KCNC3: variants seen among roughly 807,000 people sequenced by gnomAD.
KCNC3 encodes the protein potassium voltage-gated channel subfamily C member 3.
In KCNC3, 22 loss-of-function variants were observed where a neutral mutation model predicts 43.9. That is an observed-to-expected ratio of 0.50 (90% CI 0.36 to 0.72). KCNC3 has a LOEUF of 0.72. KCNC3 is among the 30% of genes least tolerant of loss of function. The probability of loss-of-function intolerance (pLI) is 0.00; values close to 1 mark genes in which losing one functional copy is unlikely to be tolerated. For synonymous variants in KCNC3, 492 were observed against 488.0 expected (o/e 1.01, Z -0.11); for missense variants, 829 against 1,073.8 (o/e 0.77, Z 3.19).
chr19:50,320,510 C>T lies in KCNC3; in HGVS notation c.2170+83G>A, dbSNP rs548780775. 5.2e-4 allele frequency: 703 copies of T among 1,355,580 alleles called. 8 individuals are homozygous for T. The South Asian group carries it at 8.3e-3, about 16-fold the overall frequency. The allele number at this position is 1,355,580 out of a possible 1,614,324, so 84.0% of individuals were successfully genotyped here. On this transcript the variant is annotated intron_variant, in intron 3 of 4. Coordinates refer to ENST00000477616, the MANE Select transcript of KCNC3 (RefSeq NM_004977.3). ...AGGGGGAAGGGAAGTCCACCGCCTC[C>T]TCCCCCATCCCCCTCTCCTCCCTCC...
Position 50,314,904 on chromosome 19 carries a change from A to G in KCNC3, c.*1211T>C. 1 of 280,154 alleles carries G rather than the reference A, an allele frequency of 3.6e-6. No individual in the cohort carries two copies. Among genetic ancestry groups the G allele is most frequent in the Non-Finnish European group, 7.0e-6 (1 of 142,064 alleles). 17.4% of individuals were successfully genotyped at this position (280,154 alleles called of 1,614,324 possible). A position where few individuals can be genotyped will look rare whatever the true frequency, so the allele number is the denominator to read the frequency against. ...GGAGCGCGGCGGGCGGCCCGGGGAG[A>G]GCCAGGGGGGGTGGCAAGGGGCGCG... On this transcript the variant is annotated 3_prime_UTR_variant, in exon 5 of 5. Coordinates refer to ENST00000477616, the MANE Select transcript of KCNC3 (RefSeq NM_004977.3).
chr19:50,330,002 C>G (rs2037167012), upstream of KCNC3, among the ~76,000 whole-genome samples: 1 of 152,130 alleles, frequency 6.6e-6, no homozygotes, highest in Non-Finnish European at 1.5e-5. Context: ...CGCAGTGGCT[C>G]ACGCCTGTAA....
At chr19:50,322,865 C>T in intron 2 of KCNC3, 110 bp downstream of exon 2, 1 of 1,164,234 alleles carries the variant, frequency 8.6e-7, no homozygotes, top group Non-Finnish European at 1.2e-6. Context: ...TTTTTTTCTC[C>T]CTCACCTCTT....
chr19:50,320,612 A>C lies in KCNC3; in HGVS notation c.2151T>G (p.Pro717=), dbSNP rs2037018502. The C allele has an allele frequency of 1.2e-6, 2 of 1,612,292 alleles. No individual in the cohort carries two copies. The highest frequency in any genetic ancestry group is 8.5e-7 in the Non-Finnish European group (1 of 1,179,686). Residue 717 remains proline, a synonymous_variant, in exon 3 of 5, where the codon CCT becomes CCG. Coordinates refer to ENST00000477616, the MANE Select transcript of KCNC3 (RefSeq NM_004977.3). ...CFLLTDYAPS[P]DGSIRKATGA... ...CCTCACCTTTTCGGATGGAGCCATC[A>C]GGGGAAGGGGCATAGTCGGTGAGGA...
At chr19:50,330,188 A>G (rs1724365979), upstream of KCNC3, among the ~76,000 whole-genome samples, 1 of 152,046 alleles carries the variant, frequency 6.6e-6, no homozygotes, top group South Asian at 2.1e-4. Context: ...AATCGCTTGA[A>G]CCTGGGAAGT....
upstream of KCNC3, among the ~76,000 whole-genome samples, chr19:50,330,147 G>T (rs1191954988): frequency 6.6e-6 from 1 of 152,116 alleles, no homozygotes; most frequent in Non-Finnish European, 1.5e-5. Flanking sequence ...GGTGCCTGTA[G>T]TCCCAGCTAG....
rs1295672671 is a variant in KCNC3 at position 50,324,156 on chromosome 19, C to T, written c.871-74G>A. On this transcript the variant is annotated intron_variant, in intron 1 of 4. Transcript: ENST00000477616. This position sits in a 1 kb window ranked among gnomAD's most constrained non-coding sequence, Gnocchi z 4.1. ...GGTTGGCCATAACATCCAGAAGACC[C>T]TTCCAGTGCCCCCTTCCCCAGCCTC... The T allele has an allele frequency of 3.5e-6, 5 of 1,434,366 alleles. No homozygotes were observed. The highest frequency in any genetic ancestry group is 4.7e-6 in the Non-Finnish European group (5 of 1,070,774). The allele number at this position is 1,434,366 out of a possible 1,614,324, so 88.9% of individuals were successfully genotyped here. A position where few individuals can be genotyped will look rare whatever the true frequency, so the allele number is the denominator to read the frequency against.
chr19:50,320,251 G>T lies in KCNC3; in HGVS notation c.2269C>A (p.Pro757Thr). ...LNANAAAWIS[P>T] is the part of the protein sequence containing the mutation. The stretch of plus-strand genomic sequence containing the variant: ...GGGGGGAGGGGGTTCGTCCACTAGG[G>T]GGATATCCAGGCCGCGGCGTTGGCG... The change falls in exon 4 of 5, where the codon CCC becomes ACC. Residue 757 changes from proline (P) to threonine (T), a missense_variant. By Grantham distance (38) the Pro-to-Thr change is conservative. This residue lies in a region of KCNC3 where 308 missense variants were observed against 276.2 expected (regional missense o/e 1.11). Transcript: ENST00000477616. 9.5e-6 allele frequency: 9 copies of T among 946,764 alleles called. No individual in the cohort carries two copies. The highest frequency in any genetic ancestry group is 1.1e-5 in the Non-Finnish European group (8 of 702,366). 58.6% of individuals were successfully genotyped at this position (946,764 alleles called of 1,614,324 possible).
At chr19:50,320,891 G>T in intron 2 of KCNC3, 107 bp from the exon 3 acceptor site, 1 of 1,099,874 alleles carries the variant, frequency 9.1e-7, no homozygotes, top group Non-Finnish European at 1.3e-6. Context: ...ATGGTCGGCG[G>T]ATGTTTGGCA....
rs867902104 is a variant in KCNC3, at chr19:50,328,585, C to G, written c.498G>C (p.Leu166=). Residue 166 remains leucine, a synonymous_variant, in exon 1 of 5, where the codon CTG becomes CTC. Coordinates refer to ENST00000477616, the MANE Select transcript of KCNC3 (RefSeq NM_004977.3). ...CCCAGAAGCCGAGCTCCTCCTCAAA[C>G]AGGGGCCCGCACACGTCGGCTGGGC... The part of the protein sequence containing the change: ...LHCPADVCGP[L]FEEELGFWGI... The G allele has an allele frequency of 5.6e-6, 9 of 1,611,204 alleles. No individual in the cohort carries two copies. In the Middle Eastern group the frequency reaches 1.3e-3, roughly 224 times the overall value.
At position 50,328,937 on chromosome 19, in the gene KCNC3, G is replaced by A; in HGVS notation, c.146C>T (p.Ala49Val). 1 of 803,330 alleles carries A rather than the reference G, an allele frequency of 1.2e-6. No individual in the cohort carries two copies. Among genetic ancestry groups the A allele is most frequent in the Non-Finnish European group, 1.5e-6 (1 of 664,260 alleles). The allele number at this position is 803,330 out of a possible 1,614,324, so 49.8% of individuals were successfully genotyped here. The part of the protein sequence containing the change: ...QQQQPAQPGP[A>V]ASPAGPPAPR... ...TGCCGGGGGGCCCGCCGGGGACGCG[G>A]CGGGGCCGGGCTGCGCAGGCTGCTG... Residue 49 changes from alanine (A) to valine (V), a missense_variant, in exon 1 of 5, where the codon GCC (alanine) becomes GTC (valine). This residue lies in a region of KCNC3 where 129 missense variants were observed against 83.6 expected (regional missense o/e 1.54). Coordinates refer to ENST00000477616, the MANE Select transcript of KCNC3 (RefSeq NM_004977.3).
chr19:50,320,620 G>T lies in KCNC3; in HGVS notation c.2143C>A (p.Pro715Thr). 2 of 1,612,670 alleles carry T rather than the reference G, an allele frequency of 1.2e-6. No individual in the cohort carries two copies. The highest frequency in any genetic ancestry group is 8.5e-7 in the Non-Finnish European group (1 of 1,179,818). ...RACFLLTDYA[P>T]SPDGSIRKAT... ...TTTCGGATGGAGCCATCAGGGGAAGGGGCATAGTCGGTGAGGAGGAAGCAG... is the reference window on the plus strand; with the variant it reads ...TTTCGGATGGAGCCATCAGGGGAAGTGGCATAGTCGGTGAGGAGGAAGCAG... The change falls in exon 3 of 5, where the codon CCT becomes ACT. Residue 715 changes from proline to threonine, a missense_variant. Physicochemically the swap from Pro to Thr is conservative, Grantham distance 38. Around this residue, in one of 7 missense-constraint regions of KCNC3, gnomAD observed 308 missense variants for 276.2 expected, o/e 1.11. Coordinates refer to ENST00000477616, the MANE Select transcript of KCNC3 (RefSeq NM_004977.3).
At position 50,314,133 on chromosome 19, in the gene KCNC3, G is replaced by A. The variant is rs994636458; in HGVS notation, c.*1982C>T. 4.6e-5 allele frequency: 7 copies of A among 152,266 alleles called. No homozygotes were observed. Among genetic ancestry groups the A allele is most frequent in the African/African-American group, 1.7e-4 (7 of 41,484 alleles). The allele number at this position is 152,266 out of a possible 1,614,324, so 9.4% of individuals were successfully genotyped here. ...CCCTGGGGGAAGGGGCGGATGAGAG[G>A]GTGAAATTCACCAGAGGAATTCTCC... On this transcript the variant is annotated 3_prime_UTR_variant, in exon 5 of 5. Transcript: ENST00000477616.
In KCNC3 at chr19:50,316,026, T is replaced by A. The variant is rs1250000707; in HGVS notation, c.*89A>T. 6.4e-6 allele frequency: 1 copy of A among 155,802 alleles called. No individual in the cohort carries two copies. Among genetic ancestry groups the A allele is most frequent in the Admixed American group, 8.2e-5 (1 of 12,186 alleles). 9.7% of individuals were successfully genotyped at this position (155,802 alleles called of 1,614,324 possible). ...ACACCCCCTCCCAGCCATTCCCAAT[T>A]GCTAACCTGGGGGGAAGGGGCGGGG... On this transcript the variant is annotated 3_prime_UTR_variant, in exon 5 of 5. Coordinates refer to ENST00000477616, the MANE Select transcript of KCNC3 (RefSeq NM_004977.3).
intron 1 of KCNC3, 74 bp downstream of exon 1, chr19:50,328,139 G>T (rs1204193649): frequency 3.8e-5 from 40 of 1,039,452 alleles, no homozygotes; most frequent in Admixed American, 5.4e-5. Flanking sequence ...GTTGGAGCTG[G>T]GGCGCTCCTG....
rs1422344081 is a variant in KCNC3, at chr19:50,324,100, A to AGAGAGAGGGG, written c.871-28_871-19dup. The AGAGAGAGGGG allele has an allele frequency of 6.4e-7, 1 of 1,573,572 alleles. No individual in the cohort carries two copies. The highest frequency in any genetic ancestry group is 2.2e-5 in the East Asian group (1 of 44,492). ...GCCACATACTGCAGGGCAGGGAGGG[A>AGAGAGAGGGG]GAGAGAGGGGGAGAGGTGACCTAGG... is the stretch of plus-strand genomic sequence containing the variant. On this transcript the variant is annotated intron_variant, in intron 1 of 4. Coordinates refer to ENST00000477616, the MANE Select transcript of KCNC3 (RefSeq NM_004977.3). The surrounding 1 kb of genome is among the most constrained non-coding windows in gnomAD (Gnocchi z 4.1).
Position 50,328,886 on chromosome 19 carries a change from G to A in KCNC3, c.197C>T (p.Ala66Val), listed in dbSNP as rs745887513. The A allele has an allele frequency of 2.8e-6, 3 of 1,088,178 alleles. No individual in the cohort carries two copies. Among genetic ancestry groups the A allele is most frequent in the South Asian group, 8.7e-5 (2 of 23,002 alleles). 67.4% of individuals were successfully genotyped at this position (1,088,178 alleles called of 1,614,324 possible). A position where few individuals can be genotyped will look rare whatever the true frequency, so the allele number is the denominator to read the frequency against. Reference sequence around the variant, plus strand: ...CGCCGGCAGCCCGGGGCATGGCTCGGCGCGCCGGTCCCCGGGCCCGCGGGG... The same window carrying A: ...CGCCGGCAGCCCGGGGCATGGCTCGACGCGCCGGTCCCCGGGCCCGCGGGG... ...PAPRGPGDRR[A>V]EPCPGLPAAA... The change falls in exon 1 of 5, where the codon GCC becomes GTC. Residue 66 changes from alanine to valine, a missense_variant. Ala to Val is a moderately conservative substitution (Grantham distance 64). Coordinates refer to ENST00000477616, the MANE Select transcript of KCNC3 (RefSeq NM_004977.3).
intron 2 of KCNC3, among the ~76,000 whole-genome samples, chr19:50,321,086 G>A (rs997318076): frequency 1.3e-5 from 2 of 151,930 alleles, no homozygotes; most frequent in African/African-American, 4.8e-5. Context: ...TTGTGGTGGT[G>A]CAGGGAGGTG....
At chr19:50,332,433 C>T (rs1031457921), upstream of KCNC3, among the ~76,000 whole-genome samples, 1 of 152,096 alleles carries the variant, frequency 6.6e-6, no homozygotes, top group African/African-American at 2.4e-5. The surrounding 1 kb of genome is among the most constrained non-coding windows in gnomAD (Gnocchi z 5.8). Flanking sequence ...GGATTAGAGG[C>T]CATGGGAGGG....
Sources: allele counts gnomAD v4.1 joint callset (sites outside exome capture counted in the v4.1 genomes callset), GRCh38; gene constraint gnomAD v4.1.1; regional missense constraint gnomAD v4.1.1; non-coding constraint Gnocchi (gnomAD v3.1); transcripts MANE v1.5; gene names NCBI Gene and HGNC (gene_info 2026-07-23, HGNC 2026-07-21).